Variants in TMEM179 observed in about 807,000 individuals in gnomAD.
TMEM179 encodes transmembrane protein 179A.
In TMEM179, 17 loss-of-function variants were observed where a neutral mutation model predicts 22.2. The observed-to-expected ratio is 0.77, with a 90% CI of 0.52 to 1.15. The LOEUF (loss-of-function observed/expected upper bound fraction) is 1.15, where lower values mean the gene tolerates loss of function less well. Among genes scored for constraint, TMEM179 ranks in the 50% most tolerant of loss-of-function variants. TMEM179 has a pLI of 0.00. For synonymous variants in TMEM179, 127 were observed against 140.5 expected (o/e 0.90, Z 0.68); for missense variants, 265 against 313.6 (o/e 0.84, Z 1.17).
At chr14:104,601,248 G>A (rs910629126) in intron 1 of TMEM179, among the ~76,000 whole-genome samples, 1 of 152,230 alleles carries the variant, frequency 6.6e-6, no homozygotes, top group Non-Finnish European at 1.5e-5. Context: ...GGGTGGACCT[G>A]TTGGCCAGAT....
Position 104,596,990 on chromosome 14 carries a change from C to T in TMEM179, c.443G>A (p.Ser148Asn), listed in dbSNP as rs187065750. Residue 148 changes from serine to asparagine, a missense_variant and splice_region_variant, in exon 2 of 4, where the codon AGC becomes AAC. Transcript: ENST00000556573. Reference protein sequence around the residue: ...TITEKGTVPHSCEELQDIDLE... With the variant: ...TITEKGTVPHNCEELQDIDLE... ...GCCGAGGCGGGTGGGGCGGGCGCAC[C>T]TGTGGGGTACGGTGCCCTTCTCGGT... 2 of 1,601,588 alleles carry T rather than the reference C, an allele frequency of 1.2e-6. No homozygotes were observed. Among genetic ancestry groups the T allele is most frequent in the African/African-American group, 2.7e-5 (2 of 74,346 alleles).
rs200955333 is a variant in TMEM179, at chr14:104,592,522, GCA to G, written c.*955_*956del. The G allele has an allele frequency of 0.018, 2,791 of 152,716 alleles. 40 individuals are homozygous for G. The highest frequency in any genetic ancestry group is 0.034 in the Middle Eastern group (10 of 298). The allele number at this position is 152,716 out of a possible 1,614,324, so 9.5% of individuals were successfully genotyped here. On this transcript the variant is annotated 3_prime_UTR_variant, in exon 4 of 4. Coordinates refer to ENST00000556573, the MANE Select transcript of TMEM179 (RefSeq NM_001286389.2). ...GTCACACCCTCACATGCACACTCAT[GCA>G]CACTCATATCCTCCCATGCAGTCAC...
rs966368736 is a variant in TMEM179, at chr14:104,593,431, C to G, written c.*48G>C. The G allele has an allele frequency of 6.5e-7, 1 of 1,534,704 alleles. No homozygotes were observed. Among genetic ancestry groups the G allele is most frequent in the Admixed American group, 2.0e-5 (1 of 50,964 alleles). The stretch of plus-strand genomic sequence containing the variant: ...GCTTCCCCAGGCAGGCCCGTGCCCC[C>G]GAGCGCAGCAGGGAGGTCGGGGCCA... On this transcript the variant is annotated 3_prime_UTR_variant, in exon 4 of 4. Coordinates refer to ENST00000556573, the MANE Select transcript of TMEM179 (RefSeq NM_001286389.2).
chr14:104,603,148 T>C (rs10145420), intron 1 of TMEM179, among the ~76,000 whole-genome samples: 126,225 of 152,102 alleles, frequency 0.83, 53,394 homozygotes, highest in Middle Eastern at 0.91. Flanking sequence ...GGGATTCTCA[T>C]TCCTCCTCCA....
intron 1 of TMEM179, among the ~76,000 whole-genome samples, chr14:104,601,108 T>C (rs1022730982): frequency 6.6e-6 from 1 of 152,234 alleles, no homozygotes; most frequent in African/African-American, 2.4e-5. Context: ...CCCCTTTACC[T>C]ACCTGGCACT....
In TMEM179 at chr14:104,599,334, G is replaced by C. The variant is rs757772299; in HGVS notation, c.306-2207C>G. 1.6e-4 allele frequency among the ~76,000 whole-genome samples: 25 copies of C among 152,028 alleles called. 1 individual carries two copies. The highest frequency in any genetic ancestry group is 3.4e-4 in the Non-Finnish European group (23 of 67,994). On this transcript the variant is annotated intron_variant, in intron 1 of 3. Transcript: ENST00000556573. ...TGGGCAATGGGGTGGGAGGGCGGGA[G>C]AGCAAGGTGGGAATTTGCTACCAGG...
Position 104,604,641 on chromosome 14 carries a change from T to G in TMEM179, c.101A>C (p.Asp34Ala). Residue 34 changes from aspartate to alanine, a missense_variant, in exon 1 of 4, where the codon GAC becomes GCC. By Grantham distance (126) the Asp-to-Ala change is moderately radical. Transcript: ENST00000556573. The surrounding 1 kb of genome is among the most constrained non-coding windows in gnomAD (Gnocchi z 4.6). ...VVVPLSENGHDFRGRCLLFTE... is the reference protein window; with the variant it reads ...VVVPLSENGHAFRGRCLLFTE... ...GAAGAGCAGGCAGCGGCCGCGGAAG[T>G]CGTGGCCGTTCTCGGACAGCGGGAC... 6.3e-7 allele frequency: 1 copy of G among 1,586,474 alleles called. No homozygotes were observed. Among genetic ancestry groups the G allele is most frequent in the Non-Finnish European group, 8.6e-7 (1 of 1,168,938 alleles).
intron 1 of TMEM179, among the ~76,000 whole-genome samples, chr14:104,602,212 TGC>T (rs1249072667): frequency 6.6e-6 from 1 of 152,210 alleles, no homozygotes; most frequent in Non-Finnish European, 1.5e-5. Flanking sequence ...CCATACCCTG[TGC>T]GACCTGGACT....
chr14:104,599,605 A>G (rs1887170848), intron 1 of TMEM179, among the ~76,000 whole-genome samples: 1 of 152,194 alleles, frequency 6.6e-6, no homozygotes, highest in African/African-American at 2.4e-5. Flanking sequence ...CTAGGGGCCT[A>G]TAGTCACAGA....
chr14:104,593,237 G>C lies in TMEM179; in HGVS notation c.*242C>G. ...AGGCCTGGAGGTGCCCCCCGCCCCC[G>C]CCCCACACCCATAGTCTCTCTGCAC... On this transcript the variant is annotated 3_prime_UTR_variant, in exon 4 of 4. Coordinates refer to ENST00000556573, the MANE Select transcript of TMEM179 (RefSeq NM_001286389.2). The C allele has an allele frequency of 7.3e-6, 4 of 544,630 alleles. No individual in the cohort carries two copies. Among genetic ancestry groups the C allele is most frequent in the Non-Finnish European group, 6.4e-6 (2 of 311,920 alleles). The allele number at this position is 544,630 out of a possible 1,614,324, so 33.7% of individuals were successfully genotyped here. A position where few individuals can be genotyped will look rare whatever the true frequency, so the allele number is the denominator to read the frequency against.
chr14:104,595,716 G>A lies in TMEM179; in HGVS notation c.444-473C>T, dbSNP rs1271665575. Among the ~76,000 whole-genome samples the A allele has an allele frequency of 6.6e-6, 1 of 152,230 alleles. No homozygotes were observed. Among genetic ancestry groups the A allele is most frequent in the Non-Finnish European group, 1.5e-5 (1 of 68,044 alleles). On this transcript the variant is annotated intron_variant, in intron 2 of 3. Coordinates refer to ENST00000556573, the MANE Select transcript of TMEM179 (RefSeq NM_001286389.2). This position sits in a 1 kb window ranked among gnomAD's most constrained non-coding sequence, Gnocchi z 5.7. ...GCTGCCTCAGCCAGACAGAGATGGAGGTGGCATCCCCACCAACGCTGCCCA... is the reference window on the plus strand; with the variant it reads ...GCTGCCTCAGCCAGACAGAGATGGAAGTGGCATCCCCACCAACGCTGCCCA...
intron 3 of TMEM179, chr14:104,594,749 G>T (rs1049385488): frequency 2.6e-6 from 3 of 1,132,766 alleles, no homozygotes; most frequent in Non-Finnish European, 3.2e-6. Flanking sequence ...CCCTGGCTAG[G>T]GGACTCCTCT....
Position 104,593,940 on chromosome 14 carries a change from C to T in TMEM179, c.523-282G>A, listed in dbSNP as rs778957910. ...ACTCAGACCAACCCTCACTCCAGGC[C>T]GGCCAGAGGCCCCGAGGAGGGGCAG... On this transcript the variant is annotated intron_variant, in intron 3 of 3. Transcript: ENST00000556573. 2.2e-4 allele frequency: 200 copies of T among 904,158 alleles called. 1 individual carries two copies. The highest frequency in any genetic ancestry group is 3.9e-4 in the Middle Eastern group (1 of 2,548). 56.0% of individuals were successfully genotyped at this position (904,158 alleles called of 1,614,324 possible). A position where few individuals can be genotyped will look rare whatever the true frequency, so the allele number is the denominator to read the frequency against.
At chr14:104,598,350 A>C (rs1022036735) in intron 1 of TMEM179, among the ~76,000 whole-genome samples, 2 of 152,220 alleles carry the variant, frequency 1.3e-5, no homozygotes, top group African/African-American at 4.8e-5. Context: ...AGCAGGCTCG[A>C]TGTTAGCCTG....
At chr14:104,598,071 A>G (rs935119993) in intron 1 of TMEM179, among the ~76,000 whole-genome samples, 3 of 152,208 alleles carry the variant, frequency 2.0e-5, no homozygotes, top group Non-Finnish European at 4.4e-5. Flanking sequence ...GATACCGGGC[A>G]GGTGGTCGGG....
At position 104,593,289 on chromosome 14, in the gene TMEM179, C is replaced by A. The variant is rs939259235; in HGVS notation, c.*190G>T. 2.6e-5 allele frequency: 18 copies of A among 681,400 alleles called. No individual in the cohort carries two copies. In the African/African-American group the frequency reaches 2.9e-4, roughly 11 times the overall value. 42.2% of individuals were successfully genotyped at this position (681,400 alleles called of 1,614,324 possible). A position where few individuals can be genotyped will look rare whatever the true frequency, so the allele number is the denominator to read the frequency against. On this transcript the variant is annotated 3_prime_UTR_variant, in exon 4 of 4. Transcript: ENST00000556573. Reference sequence around the variant, plus strand: ...ATCCTCATCAGGGAGCCGGCACCCACCCAGTCCACTGCCAGGCTCACAGGT... The same window carrying A: ...ATCCTCATCAGGGAGCCGGCACCCAACCAGTCCACTGCCAGGCTCACAGGT...
chr14:104,599,337 C>A (rs1887160434), intron 1 of TMEM179, among the ~76,000 whole-genome samples: 1 of 152,076 alleles, frequency 6.6e-6, no homozygotes, highest in Admixed American at 6.6e-5. Context: ...GGCGGGAGAG[C>A]AAGGTGGGAA....
chr14:104,603,272 G>T (rs765012924), intron 1 of TMEM179, among the ~76,000 whole-genome samples: 73 of 152,154 alleles, frequency 4.8e-4, no homozygotes, highest in Non-Finnish European at 1.9e-4. Context: ...GCTCACAGCG[G>T]GGGCAACAGG....
At position 104,598,013 on chromosome 14, in the gene TMEM179, C is replaced by T. The variant is rs185574302; in HGVS notation, c.306-886G>A. On this transcript the variant is annotated intron_variant, in intron 1 of 3. Coordinates refer to ENST00000556573, the MANE Select transcript of TMEM179 (RefSeq NM_001286389.2). ...CAGGGGTCTGAGGCCTCTGCCAGGG[C>T]GCACACGGCCATGGCTTTCAGAGGA... Among the ~76,000 whole-genome samples, 22 of 152,332 alleles carry T rather than the reference C, an allele frequency of 1.4e-4. No homozygotes were observed. In the East Asian group the frequency reaches 3.9e-3, roughly 27 times the overall value.
Sources: gnomAD v4.1 joint callset for allele counts (sites outside exome capture counted in the v4.1 genomes callset) on GRCh38, gnomAD v4.1.1 for gene constraint, Gnocchi (gnomAD v3.1) non-coding constraint, MANE v1.5 for transcripts, NCBI Gene and HGNC (gene_info 2026-07-23, HGNC 2026-07-21) for gene names.